BAD: variants seen among roughly 807,000 people sequenced by gnomAD.
The protein encoded by BAD is bcl2-associated agonist of cell death.
Under a neutral mutation model 17.8 loss-of-function variants are expected in BAD, and 18 were observed. That is an observed-to-expected ratio of 1.01 (90% CI 0.70 to 1.50). The LOEUF is 1.50. BAD is among the 40% of genes most tolerant of loss of function. The pLI is 0.00. For synonymous variants in BAD, 112 were observed against 91.5 expected (o/e 1.22, Z -1.28); for missense variants, 294 against 239.3 (o/e 1.23, Z -1.51).
In BAD at chr11:64,279,214, C is replaced by T. The variant is rs900575314; in HGVS notation, c.187+4968G>A. ...TTGTCACCATCAAATAACTCCATCC[C>T]AAGCTTCCCACCAGCTGACCCAACC... On this transcript the variant is annotated intron_variant, in intron 2 of 3. Transcript: ENST00000309032. Among the ~76,000 whole-genome samples the T allele has an allele frequency of 4.6e-5, 7 of 152,272 alleles. No homozygotes were observed. The South Asian group carries it at 8.3e-4, about 18-fold the overall frequency.
rs1591132980 is a variant in BAD at position 64,271,728 on chromosome 11, T to C, written c.263A>G (p.Glu88Gly). The change falls in exon 3 of 4, where the codon GAG becomes GGG. Residue 88 changes from glutamate to glycine, a missense_variant. By Grantham distance (98) the Glu-to-Gly change is moderately conservative. Coordinates refer to ENST00000309032, the MANE Select transcript of BAD (RefSeq NM_032989.3). ...AGTEDDEGMG[E>G]EPSPFRGRSR... ...GCGGCCCCGAAAGGGGCTGGGCTCC[T>C]CCCCCATCCCTTCGTCGTCCTCCGT... 1.4e-6 allele frequency: 2 copies of C among 1,445,176 alleles called. No individual in the cohort carries two copies. The highest frequency in any genetic ancestry group is 9.1e-7 in the Non-Finnish European group (1 of 1,098,552). The allele number at this position is 1,445,176 out of a possible 1,614,324, so 89.5% of individuals were successfully genotyped here.
chr11:64,273,594 T>TG (rs1459269976), intron 2 of BAD, among the ~76,000 whole-genome samples: 4 of 149,790 alleles, frequency 2.7e-5, no homozygotes, highest in Non-Finnish European at 5.9e-5. Context: ...GAGAAGCAGG[T>TG]GGGGGGCTGG....
At chr11:64,272,872 G>C (rs2135098083) in intron 2 of BAD, 1 of 152,328 alleles carries the variant, frequency 6.6e-6, no homozygotes, top group South Asian at 2.1e-4. Flanking sequence ...TTTATGAGGG[G>C]ATAATCCTAG....
intron 2 of BAD, among the ~76,000 whole-genome samples, chr11:64,280,145 A>G (rs376033066): frequency 8.9e-4 from 134 of 150,998 alleles, no homozygotes; most frequent in Admixed American, 2.2e-3. Context: ...GTGAAACCCC[A>G]TCTCTACTAA....
At chr11:64,282,881 GAAA>G (rs541902877) in intron 2 of BAD, among the ~76,000 whole-genome samples, 2 of 88,054 alleles carry the variant, frequency 2.3e-5, no homozygotes. Context: ...TCCGTCTCAG[GAAA>G]AAAAAAAAAA....
In BAD at chr11:64,270,350, GA is replaced by G; in HGVS notation, c.379-14del. On this transcript the variant is annotated splice_polypyrimidine_tract_variant and intron_variant, in intron 3 of 3. Transcript: ENST00000309032. ...GAGGAAGTCCCTTCTGGTGGAGGGA[GA>G]AAAGGGTTACATGAGTTAGATTACC... 6.5e-7 allele frequency: 1 copy of G among 1,539,096 alleles called. No homozygotes were observed. Among genetic ancestry groups the G allele is most frequent in the East Asian group, 2.3e-5 (1 of 44,044 alleles).
intron 2 of BAD, among the ~76,000 whole-genome samples, chr11:64,281,246 G>A (rs2033450129): frequency 6.6e-6 from 1 of 152,196 alleles, no homozygotes; most frequent in African/African-American, 2.4e-5. Context: ...GATTATAGGC[G>A]TGAGCCACCG....
intron 2 of BAD, chr11:64,275,708 T>G (rs2033009235): frequency 6.6e-6 from 1 of 151,756 alleles, no homozygotes; most frequent in Non-Finnish European, 1.5e-5. Flanking sequence ...TAGCTCTGAG[T>G]GGGGCCACAG....
chr11:64,274,608 G>A (rs1278172314), intron 2 of BAD, among the ~76,000 whole-genome samples: 1 of 152,064 alleles, frequency 6.6e-6, no homozygotes, highest in Admixed American at 6.5e-5. Flanking sequence ...GGATCACGAG[G>A]TCAGGAGTTC....
At chr11:64,271,488 C>G in intron 3 of BAD, 125 bp downstream of exon 3, 1 of 1,013,012 alleles carries the variant, frequency 9.9e-7, no homozygotes, top group Non-Finnish European at 1.3e-6. Context: ...TAGGAAGGAA[C>G]AGGACGGCTT....
Position 64,279,504 on chromosome 11 carries a change from T to C in BAD, c.187+4678A>G, listed in dbSNP as rs113825200. Among the ~76,000 whole-genome samples, 467 of 152,164 alleles carry C rather than the reference T, an allele frequency of 3.1e-3. 3 individuals carry two copies. The highest frequency in any genetic ancestry group is 0.01 in the African/African-American group (431 of 41,526). On this transcript the variant is annotated intron_variant, in intron 2 of 3. Transcript: ENST00000309032. Reference sequence around the variant, plus strand: ...TCTAGCGGCCAGACGCGGTGGCTCATGCCTGTAATCCCAGCATTTTGGGAG... The same window carrying C: ...TCTAGCGGCCAGACGCGGTGGCTCACGCCTGTAATCCCAGCATTTTGGGAG...
Position 64,271,872 on chromosome 11 carries a change from A to G in BAD, c.188-69T>C, listed in dbSNP as rs557378180. 2.5e-5 allele frequency: 31 copies of G among 1,251,264 alleles called. No homozygotes were observed. In the African/African-American group the frequency reaches 4.1e-4, roughly 16 times the overall value. 77.5% of individuals were successfully genotyped at this position (1,251,264 alleles called of 1,614,324 possible). ...CCTCTAAGCCCCTGGCCCTGCCTGA[A>G]CCCTCCCCATCAGCTCTGCAGGCCC... On this transcript the variant is annotated intron_variant, in intron 2 of 3. Transcript: ENST00000309032.
rs779622078 is a variant in BAD, at chr11:64,269,834, G to A, written c.*375C>T. On this transcript the variant is annotated 3_prime_UTR_variant, in exon 4 of 4. Coordinates refer to ENST00000309032, the MANE Select transcript of BAD (RefSeq NM_032989.3). The stretch of plus-strand genomic sequence containing the variant: ...GTCGACGCACAGAAAAGCCTCGGCG[G>A]CACAGACGCGGGCTTTATTAACATT... 7 of 691,226 alleles carry A rather than the reference G, an allele frequency of 1.0e-5. No homozygotes were observed. Among genetic ancestry groups the A allele is most frequent in the Non-Finnish European group, 1.8e-5 (7 of 380,046 alleles). 42.8% of individuals were successfully genotyped at this position (691,226 alleles called of 1,614,324 possible).
upstream of BAD, chr11:64,284,682 A>T: frequency 2.0e-6 from 3 of 1,534,680 alleles, no homozygotes; most frequent in African/African-American, 1.4e-5. Flanking sequence ...TCCCTCCAGC[A>T]CCCCGGGCTC....
chr11:64,280,137 G>A (rs1265021720), intron 2 of BAD, among the ~76,000 whole-genome samples: 2 of 151,392 alleles, frequency 1.3e-5, no homozygotes, highest in Non-Finnish European at 2.9e-5. Context: ...CTAACATGGT[G>A]AAACCCCATC....
intron 3 of BAD, 26 bp downstream of exon 3, chr11:64,271,587 C>T: frequency 7.1e-7 from 1 of 1,404,934 alleles, no homozygotes; most frequent in Non-Finnish European, 9.3e-7. Context: ...ACTTCAGGTC[C>T]TGGCACGCTG....
At chr11:64,273,955 A>G (rs2032844453) in intron 2 of BAD, among the ~76,000 whole-genome samples, 1 of 151,576 alleles carries the variant, frequency 6.6e-6, no homozygotes, top group Non-Finnish European at 1.5e-5. Context: ...GGAGGAGGTA[A>G]ATTACAGGCC....
At chr11:64,276,626 C>T (rs1463693993) in intron 2 of BAD, 1 of 359,630 alleles carries the variant, frequency 2.8e-6, no homozygotes, top group Non-Finnish European at 5.1e-6. Flanking sequence ...GGTGCCCAGC[C>T]CTAAATTGAA....
Position 64,284,354 on chromosome 11 carries a change from T to C in BAD, c.15A>G (p.Pro5=). MFQI[P]EFEPSEQEDS... ...CTTCCTGCTCACTCGGCTCAAACTC[T>C]GGGATCTGGAACATGCTCTGGGCTG... The change falls in exon 2 of 4, where the codon CCA becomes CCG. Residue 5 remains proline (P), a synonymous_variant. Transcript: ENST00000309032. 2 of 1,612,944 alleles carry C rather than the reference T, an allele frequency of 1.2e-6. No homozygotes were observed. The highest frequency in any genetic ancestry group is 1.7e-6 in the Non-Finnish European group (2 of 1,179,956).
Sources: gnomAD v4.1 joint callset for allele counts (sites outside exome capture counted in the v4.1 genomes callset) on GRCh38, gnomAD v4.1.1 for gene constraint, MANE v1.5 for transcripts, NCBI Gene and HGNC (gene_info 2026-07-23, HGNC 2026-07-21) for gene names.